HEATR5A: variants seen among roughly 807,000 people sequenced by gnomAD.
HEATR5A encodes the protein HEAT repeat-containing protein 5A.
A neutral mutation model predicts 218.8 loss-of-function variants in HEATR5A; 178 were observed. The ratio of observed to expected loss-of-function variants is 0.81; its 90% CI spans 0.72 to 0.92. HEATR5A has a LOEUF of 0.92. Ranked by LOEUF, HEATR5A falls within the 40% of genes least tolerant of loss-of-function variation. The pLI is 0.00. For missense variants in HEATR5A, 2,420 were observed against 2,418.9 expected, an observed-to-expected ratio of 1.00 and a Z score of -0.01; for synonymous variants, 864 against 871.6, an observed-to-expected ratio of 0.99 and a Z score of 0.15.
chr14:31,335,972 C>A (rs1338345386), intron 22 of HEATR5A, among the ~76,000 whole-genome samples: 1 of 14,956 alleles, frequency 6.7e-5, no homozygotes, highest in Admixed American at 1.4e-3. Context: ...AAGATAATTA[C>A]CTTTTTTTTT....
chr14:31,308,972 G>A lies in HEATR5A; in HGVS notation c.4652C>T (p.Pro1551Leu). ...GSSSGATIKS[P>L]EDVYTDRFHL... ...GAATCTATCAGTGTAGACATCCTCA[G>A]GGGACTTTATGGTAGCCCCAGATGA... Residue 1551 changes from proline (P) to leucine (L), a missense_variant, in exon 29 of 36, where the codon CCT becomes CTT. Transcript: ENST00000543095. 2 of 1,613,758 alleles carry A rather than the reference G, an allele frequency of 1.2e-6. No individual in the cohort carries two copies. Among genetic ancestry groups the A allele is most frequent in the African/African-American group, 1.3e-5 (1 of 74,998 alleles).
chr14:31,418,853 A>C (rs1182929282), intron 1 of HEATR5A, among the ~76,000 whole-genome samples: 1 of 152,232 alleles, frequency 6.6e-6, no homozygotes. Flanking sequence ...TAGTTAAGAA[A>C]GACTATTATA....
chr14:31,331,672 T>A (rs192847499), intron 22 of HEATR5A, among the ~76,000 whole-genome samples: 2 of 152,324 alleles, frequency 1.3e-5, no homozygotes, highest in East Asian at 3.9e-4. Flanking sequence ...CTGGGTAATT[T>A]ATAAAGGAAA....
chr14:31,361,140 T>A (rs1396152142), intron 14 of HEATR5A, among the ~76,000 whole-genome samples: 1 of 152,212 alleles, frequency 6.6e-6, no homozygotes, highest in East Asian at 1.9e-4. Flanking sequence ...ACCCAGTTAA[T>A]CAGGCTCCAG....
At chr14:31,399,236 G>A (rs775910331) in intron 3 of HEATR5A, among the ~76,000 whole-genome samples, 8 of 152,150 alleles carry the variant, frequency 5.3e-5, no homozygotes, top group Admixed American at 2.6e-4. Flanking sequence ...AATCTATTCT[G>A]TGGTTAAATC....
intron 21 of HEATR5A, among the ~76,000 whole-genome samples, chr14:31,341,478 C>T (rs1257864484): frequency 6.6e-6 from 1 of 152,110 alleles, no homozygotes; most frequent in East Asian, 1.9e-4. Flanking sequence ...ACTGTTGCCT[C>T]AACATCCTGG....
At chr14:31,297,281 G>A (rs531901388) in intron 33 of HEATR5A, 253 of 152,234 alleles carry the variant, frequency 1.7e-3, no homozygotes, top group Middle Eastern at 6.8e-3. Flanking sequence ...GGGAGACTCC[G>A]TCTCAATAAA....
chr14:31,366,932 C>G (rs184738771), intron 13 of HEATR5A, among the ~76,000 whole-genome samples: 600 of 152,282 alleles, frequency 3.9e-3, no homozygotes, highest in South Asian at 0.02. Flanking sequence ...GATAGAGTAT[C>G]TACTAAAAAA....
At chr14:31,380,423 A>G in intron 11 of HEATR5A, 44 bp downstream of exon 11, 1 of 1,213,042 alleles carries the variant, frequency 8.2e-7, no homozygotes, top group Non-Finnish European at 1.2e-6. Context: ...CACTCAGAAA[A>G]CACAAAGTAT....
intron 11 of HEATR5A, among the ~76,000 whole-genome samples, chr14:31,378,136 A>C (rs2029867332): frequency 6.6e-6 from 1 of 152,226 alleles, no homozygotes; most frequent in Non-Finnish European, 1.5e-5. Context: ...GCACACTGTG[A>C]AATGATGATC....
intron 12 of HEATR5A, among the ~76,000 whole-genome samples, chr14:31,372,397 C>T (rs552664742): frequency 6.6e-6 from 1 of 152,106 alleles, no homozygotes; most frequent in Non-Finnish European, 1.5e-5. Context: ...GGCTTGGTCT[C>T]GAAGTCCTGG....
intron 19 of HEATR5A, among the ~76,000 whole-genome samples, chr14:31,346,465 T>G (rs758140231): frequency 1.3e-5 from 2 of 152,108 alleles, no homozygotes; most frequent in Admixed American, 6.6e-5. Flanking sequence ...GGTGAGATGG[T>G]GGTTATACTG....
At chr14:31,351,085 A>G (rs540877227) in intron 16 of HEATR5A, among the ~76,000 whole-genome samples, 33 of 152,208 alleles carry the variant, frequency 2.2e-4, no homozygotes, top group African/African-American at 7.5e-4. Context: ...CTGGCCTCTC[A>G]ATACCATTTA....
Position 31,365,263 on chromosome 14 carries a change from T to A in HEATR5A, c.1962-965A>T, listed in dbSNP as rs79765201. ...AAGTTTAATGAAATTACTTTTATTA[T>A]GTCACTAGAATAAATCTGCTAAACT... On this transcript the variant is annotated intron_variant, in intron 13 of 35. Coordinates refer to ENST00000543095, the MANE Select transcript of HEATR5A (RefSeq NM_015473.4). Among the ~76,000 whole-genome samples, 71 of 152,342 alleles carry A rather than the reference T, an allele frequency of 4.7e-4. No homozygotes were observed. The East Asian group carries it at 7.9e-3, about 17-fold the overall frequency.
intron 28 of HEATR5A, among the ~76,000 whole-genome samples, chr14:31,311,547 G>A (rs1238231847): frequency 6.6e-6 from 1 of 151,890 alleles, no homozygotes; most frequent in Non-Finnish European, 1.5e-5. Context: ...GAGTAGCTGG[G>A]ACTATAGGTG....
intron 1 of HEATR5A, among the ~76,000 whole-genome samples, 162 bp from the exon 2 acceptor site, chr14:31,403,211 T>G (rs1165731030): frequency 6.6e-6 from 1 of 152,102 alleles, no homozygotes; most frequent in African/African-American, 2.4e-5. Flanking sequence ...AACACTGACA[T>G]AAAATCCACC....
rs1566747373 is a variant in HEATR5A at position 31,305,163 on chromosome 14, C to T, written c.4981G>A (p.Ala1661Thr). 1 of 1,613,540 alleles carries T rather than the reference C, an allele frequency of 6.2e-7. No homozygotes were observed. Among genetic ancestry groups the T allele is most frequent in the Non-Finnish European group, 8.5e-7 (1 of 1,179,812 alleles). ...RRSAEVDDGAAEKETLPEFGE... is the reference protein window; with the variant it reads ...RRSAEVDDGATEKETLPEFGE... Reference sequence around the variant, plus strand: ...AACTCTGGCAGAGTTTCCTTTTCAGCAGCCCCATCATCAACTAAAAGAAAG... The same window carrying T: ...AACTCTGGCAGAGTTTCCTTTTCAGTAGCCCCATCATCAACTAAAAGAAAG... The change falls in exon 32 of 36, where the codon GCT becomes ACT. Residue 1661 changes from alanine to threonine, a missense_variant. Physicochemically the swap from Ala to Thr is moderately conservative, Grantham distance 58 (BLOSUM62 0). Transcript: ENST00000543095.
In HEATR5A at chr14:31,358,919, G is replaced by C. The variant is rs1302181501; in HGVS notation, c.2210C>G (p.Thr737Ser). The change falls in exon 15 of 36, where the codon ACT (threonine) becomes AGT (serine). Residue 737 changes from threonine (T) to serine (S), a missense_variant. Thr to Ser is a moderately conservative substitution (Grantham distance 58, BLOSUM62 1). Transcript: ENST00000543095. ...LLILSPFLQE[T>S]DHRFIEEQLL... is the part of the protein sequence containing the mutation. ...CTGTTCTTCAATAAATCTATGGTCA[G>C]TCTCTTGTAGGAAAGGACTTAGTAT... 4.4e-6 allele frequency: 7 copies of C among 1,595,318 alleles called. No homozygotes were observed. The highest frequency in any genetic ancestry group is 6.0e-6 in the Non-Finnish European group (7 of 1,174,854).
intron 22 of HEATR5A, among the ~76,000 whole-genome samples, chr14:31,334,992 C>G (rs1007692638): frequency 6.5e-4 from 99 of 151,850 alleles, no homozygotes; most frequent in African/African-American, 2.3e-3. Flanking sequence ...CAGCCACCCC[C>G]TCAAACCTTT....
Sources: allele counts gnomAD v4.1 joint callset (sites outside exome capture counted in the v4.1 genomes callset), GRCh38; gene constraint gnomAD v4.1.1; transcripts MANE v1.5; gene names NCBI Gene and HGNC (gene_info 2026-07-23, HGNC 2026-07-21).